Variants in GNG12 observed in about 807,000 individuals in gnomAD.
GNG12 encodes guanine nucleotide-binding protein G(I)/G(S)/G(O) subunit gamma-12.
For missense variants in GNG12, 69 were observed against 83.8 expected (o/e 0.82, Z 0.69); for synonymous variants, 28 against 29.7 (o/e 0.94, Z 0.19).
chr1:67,727,483 T>A (rs1646393301), intron 2 of GNG12, among the ~76,000 whole-genome samples: 1 of 152,240 alleles, frequency 6.6e-6, no homozygotes, highest in Non-Finnish European at 1.5e-5. Context: ...ATAATTCTTA[T>A]AAACAACCAT....
Position 67,797,997 on chromosome 1 carries a change from GC to G in GNG12, c.-76-20491del, listed in dbSNP as rs1267153100. On this transcript the variant is annotated intron_variant, in intron 1 of 3. Coordinates refer to ENST00000370982, the MANE Select transcript of GNG12 (RefSeq NM_018841.6). ...CAGATCCATCCTACTAATTAAACTA[GC>G]CCACCCTTGCCCAAACTCCATTTTT... Among the ~76,000 whole-genome samples the G allele has an allele frequency of 2.6e-5, 4 of 152,190 alleles. No homozygotes were observed. In the East Asian group the frequency reaches 7.7e-4, roughly 29 times the overall value.
intron 2 of GNG12, among the ~76,000 whole-genome samples, chr1:67,733,436 G>A (rs965323615): frequency 5.3e-5 from 8 of 151,694 alleles, no homozygotes; most frequent in Admixed American, 1.3e-4. Flanking sequence ...TCATATACAC[G>A]TGCACGTATA....
At chr1:67,798,961 T>C (rs556671760) in intron 1 of GNG12, among the ~76,000 whole-genome samples, 1 of 150,784 alleles carries the variant, frequency 6.6e-6, no homozygotes, top group Middle Eastern at 3.4e-3. Flanking sequence ...ACAAAAAAAA[T>C]ATAAATAAAT....
chr1:67,805,903 GAA>G (rs200668105), intron 1 of GNG12, among the ~76,000 whole-genome samples: 33 of 129,368 alleles, frequency 2.6e-4, no homozygotes, highest in African/African-American at 8.5e-4. Flanking sequence ...AAAGACAAAA[GAA>G]AAAAAAAAAA....
intron 2 of GNG12, among the ~76,000 whole-genome samples, chr1:67,775,714 C>A (rs1646700961): frequency 1.3e-5 from 2 of 152,116 alleles, no homozygotes; most frequent in South Asian, 4.1e-4. Flanking sequence ...GGAGGTAAGA[C>A]TAAACAAGTG....
intron 1 of GNG12, among the ~76,000 whole-genome samples, chr1:67,794,930 A>C (rs992377949): frequency 2.6e-5 from 4 of 152,158 alleles, no homozygotes; most frequent in East Asian, 3.9e-4. Flanking sequence ...TTCTAACAAC[A>C]ACCAACTGCT....
intron 1 of GNG12, among the ~76,000 whole-genome samples, chr1:67,827,566 C>T (rs1647018307): frequency 6.6e-6 from 1 of 152,092 alleles, no homozygotes; most frequent in Non-Finnish European, 1.5e-5. Flanking sequence ...GCTGGGACTA[C>T]AGGCGACCGC....
At chr1:67,733,744 C>G (rs2100702883) in intron 2 of GNG12, among the ~76,000 whole-genome samples, 1 of 152,154 alleles carries the variant, frequency 6.6e-6, no homozygotes, top group East Asian at 1.9e-4. Context: ...ATTGCAGGAC[C>G]AACTTCAGAA....
chr1:67,702,734 C>T lies in GNG12; in HGVS notation c.*2717G>A, dbSNP rs1234783386. The stretch of plus-strand genomic sequence containing the variant: ...TGAAATCATGCCGTGGTCCTGAGGC[C>T]TCAACTGGACAGATTTATGATGAAC... On this transcript the variant is annotated 3_prime_UTR_variant, in exon 4 of 4. Coordinates refer to ENST00000370982, the MANE Select transcript of GNG12 (RefSeq NM_018841.6). 6.6e-6 allele frequency: 1 copy of T among 151,754 alleles called. No individual in the cohort carries two copies. The highest frequency in any genetic ancestry group is 6.6e-5 in the Admixed American group (1 of 15,222). The allele number at this position is 151,754 out of a possible 1,614,324, so 9.4% of individuals were successfully genotyped here. A position where few individuals can be genotyped will look rare whatever the true frequency, so the allele number is the denominator to read the frequency against.
chr1:67,792,656 A>G (rs947991306), intron 1 of GNG12, among the ~76,000 whole-genome samples: 1 of 152,042 alleles, frequency 6.6e-6, no homozygotes, highest in Admixed American at 6.5e-5. Context: ...TGGTAGTGGC[A>G]GTTTTTCTCC....
intron 1 of GNG12, among the ~76,000 whole-genome samples, chr1:67,788,702 G>C (rs1037736108): frequency 1.3e-5 from 2 of 152,136 alleles, no homozygotes; most frequent in African/African-American, 4.8e-5. Context: ...CACACGAAGA[G>C]TAGTATACAC....
intron 1 of GNG12, among the ~76,000 whole-genome samples, chr1:67,805,729 G>C (rs1276052991): frequency 6.6e-6 from 1 of 151,662 alleles, no homozygotes; most frequent in Non-Finnish European, 1.5e-5. Context: ...AGAAACAGAA[G>C]CACTATCTGA....
At chr1:67,708,279 G>A (rs1646261709) in intron 2 of GNG12, among the ~76,000 whole-genome samples, 1 of 152,166 alleles carries the variant, frequency 6.6e-6, no homozygotes, top group South Asian at 2.1e-4. Flanking sequence ...GAAAGTGTTA[G>A]GCACATAAGG....
chr1:67,705,467 GT>G lies in GNG12; in HGVS notation c.202del (p.Thr68LeufsTer22), dbSNP rs1022402829. On this transcript the variant is annotated frameshift_variant, in exon 4 of 4. Coordinates refer to ENST00000370982, the MANE Select transcript of GNG12 (RefSeq NM_018841.6). LOFTEE classifies it high-confidence loss of function. ...TCTATTCCACTATAAGATGATGCAAGTTTTTTTATCCTTGAAAGGGTTTTCT... is the reference window on the plus strand; with the variant it reads ...TCTATTCCACTATAAGATGATGCAAGTTTTTTATCCTTGAAAGGGTTTTCT... ...TSENPFKDKKTCIIL is the reference protein window; with the variant it reads ...TSENPFKDKKXCIIL The G allele has an allele frequency of 1.9e-6, 3 of 1,613,972 alleles. No homozygotes were observed. Among genetic ancestry groups the G allele is most frequent in the Non-Finnish European group, 2.5e-6 (3 of 1,179,950 alleles).
At chr1:67,809,827 C>T (rs1012293596) in intron 1 of GNG12, among the ~76,000 whole-genome samples, 1 of 151,916 alleles carries the variant, frequency 6.6e-6, no homozygotes, top group African/African-American at 2.4e-5. Flanking sequence ...ACTGTGGGAA[C>T]GCAAAATGGT....
intron 2 of GNG12, among the ~76,000 whole-genome samples, chr1:67,717,184 T>A (rs552081704): frequency 6.6e-6 from 1 of 152,120 alleles, no homozygotes; most frequent in Non-Finnish European, 1.5e-5. Context: ...CCTCCCCATG[T>A]TTATTCCTGC....
chr1:67,784,369 T>C (rs1250346065), intron 1 of GNG12, among the ~76,000 whole-genome samples: 1 of 148,368 alleles, frequency 6.7e-6, no homozygotes, highest in Non-Finnish European at 1.5e-5. Context: ...TAATGCTAGA[T>C]GACGAGTTAG....
At chr1:67,787,812 A>G (rs972943531) in intron 1 of GNG12, among the ~76,000 whole-genome samples, 4 of 152,214 alleles carry the variant, frequency 2.6e-5, no homozygotes, top group Non-Finnish European at 5.9e-5. Context: ...AGAAGACAGT[A>G]TTTATCAATA....
intron 2 of GNG12, among the ~76,000 whole-genome samples, chr1:67,742,365 T>TA (rs1388346653): frequency 6.6e-6 from 1 of 152,176 alleles, no homozygotes; most frequent in Non-Finnish European, 1.5e-5. Flanking sequence ...AGAGGCAAGT[T>TA]ACTACACTAT....
Sources: allele counts gnomAD v4.1 joint callset (sites outside exome capture counted in the v4.1 genomes callset), GRCh38; gene constraint gnomAD v4.1.1; transcripts MANE v1.5; gene names NCBI Gene and HGNC (gene_info 2026-07-23, HGNC 2026-07-21).